The following CSGALNACT1 variants were observed in gnomAD, a reference collection of about 807,000 sequenced individuals.
The protein encoded by CSGALNACT1 is chondroitin sulfate N-acetylgalactosaminyltransferase 1.
Under a neutral mutation model 51.0 loss-of-function variants are expected in CSGALNACT1, and 52 were observed. That is an observed-to-expected ratio of 1.02 (90% CI 0.82 to 1.29). The LOEUF is 1.29. Among genes scored for constraint, CSGALNACT1 ranks in the 50% most tolerant of loss-of-function variants. The probability of loss-of-function intolerance (pLI) is 0.00; values close to 1 mark genes in which losing one functional copy is unlikely to be tolerated. For missense variants in CSGALNACT1, 935 were observed against 679.2 expected, an observed-to-expected ratio of 1.38 and a Z score of -4.19; for synonymous variants, 341 against 254.4, an observed-to-expected ratio of 1.34 and a Z score of -3.24.
chr8:19,499,116 A>AAAAC (rs753065154), intron 4 of CSGALNACT1, among the ~76,000 whole-genome samples: 15 of 152,200 alleles, frequency 9.9e-5, no homozygotes, highest in Admixed American at 2.6e-4. Flanking sequence ...CCCTGTCTCA[A>AAAAC]AAACAAACAA....
intron 4 of CSGALNACT1, among the ~76,000 whole-genome samples, chr8:19,489,464 C>T (rs1352939077): frequency 1.3e-5 from 2 of 152,162 alleles, no homozygotes; most frequent in East Asian, 3.8e-4. Context: ...TTCCTTCTTC[C>T]TTCTGAGGCC....
At chr8:19,627,995 A>C (rs1455196773) in intron 1 of CSGALNACT1, among the ~76,000 whole-genome samples, 1 of 152,212 alleles carries the variant, frequency 6.6e-6, no homozygotes, top group Non-Finnish European at 1.5e-5. Context: ...AACTCTCTGT[A>C]CTATTTTTTT....
chr8:19,595,661 A>G (rs1020924277), intron 2 of CSGALNACT1, among the ~76,000 whole-genome samples: 1 of 151,980 alleles, frequency 6.6e-6, no homozygotes, highest in African/African-American at 2.4e-5. Context: ...CACACCTGTA[A>G]TCCCAGCACT....
At chr8:19,416,899 A>G (rs117361729) in intron 8 of CSGALNACT1, among the ~76,000 whole-genome samples, 8,241 of 151,528 alleles carry the variant, frequency 0.054, 312 homozygotes, top group South Asian at 0.11. Flanking sequence ...GTCTCACTCC[A>G]TCACCCAGGA....
intron 1 of CSGALNACT1, among the ~76,000 whole-genome samples, chr8:19,646,973 C>A (rs919923077): frequency 2.0e-5 from 3 of 152,086 alleles, no homozygotes; most frequent in Non-Finnish European, 4.4e-5. Flanking sequence ...CATGCATGAC[C>A]TCCTTTGGCC....
At chr8:19,454,563 C>A (rs57348400) in intron 5 of CSGALNACT1, among the ~76,000 whole-genome samples, 1 of 151,986 alleles carries the variant, frequency 6.6e-6, no homozygotes, top group Admixed American at 6.6e-5. Flanking sequence ...CCCAGCTACT[C>A]GGGAGGCTGA....
chr8:19,447,358 C>T (rs57315156), intron 5 of CSGALNACT1, among the ~76,000 whole-genome samples: 20,910 of 152,146 alleles, frequency 0.14, 1,711 homozygotes, highest in Middle Eastern at 0.23. Context: ...CGTAAATAGG[C>T]TGTGGGGAAG....
intron 3 of CSGALNACT1, among the ~76,000 whole-genome samples, chr8:19,518,779 C>A (rs1212735451): frequency 6.6e-6 from 1 of 152,206 alleles, no homozygotes; most frequent in Non-Finnish European, 1.5e-5. Context: ...AGCACAGGCC[C>A]TAAGCAGATT....
chr8:19,549,816 G>A (rs1256366868), intron 3 of CSGALNACT1, among the ~76,000 whole-genome samples: 1 of 152,010 alleles, frequency 6.6e-6, no homozygotes, highest in Non-Finnish European at 1.5e-5. Flanking sequence ...CCAGGTAAAG[G>A]CTTCAGATTG....
chr8:19,675,338 C>T (rs1255663542), intron 1 of CSGALNACT1, among the ~76,000 whole-genome samples: 3 of 152,208 alleles, frequency 2.0e-5, no homozygotes, highest in African/African-American at 4.8e-5. Flanking sequence ...ACTTCTCTAA[C>T]GGCCTTGCCC....
chr8:19,481,055 T>A (rs2071244397), intron 4 of CSGALNACT1, among the ~76,000 whole-genome samples: 1 of 152,216 alleles, frequency 6.6e-6, no homozygotes, highest in South Asian at 2.1e-4. Context: ...CTGCTGGAAA[T>A]ATCACAGTGT....
intron 3 of CSGALNACT1, chr8:19,587,942 G>C (rs1181683480): frequency 1.3e-5 from 2 of 152,186 alleles, no homozygotes; most frequent in Non-Finnish European, 2.9e-5. Flanking sequence ...TGTAATCCCA[G>C]TGCTTTGGGA....
intron 3 of CSGALNACT1, among the ~76,000 whole-genome samples, chr8:19,529,981 A>C (rs2082422550): frequency 6.6e-6 from 1 of 152,112 alleles, no homozygotes; most frequent in South Asian, 2.1e-4. Context: ...AGCACTTAGG[A>C]AGGCTGAGGT....
At chr8:19,456,099 G>A (rs753139977) in intron 5 of CSGALNACT1, among the ~76,000 whole-genome samples, 21 of 152,144 alleles carry the variant, frequency 1.4e-4, no homozygotes, top group Admixed American at 9.8e-4. Flanking sequence ...CATTTCACCC[G>A]TTTTGAGGCT....
intron 1 of CSGALNACT1, among the ~76,000 whole-genome samples, chr8:19,728,338 G>A (rs2063513616): frequency 6.6e-6 from 1 of 152,104 alleles, no homozygotes; most frequent in Admixed American, 6.5e-5. Flanking sequence ...CACATCTACA[G>A]GTCAGCTCTA....
At chr8:19,469,080 C>G (rs1324403362) in intron 4 of CSGALNACT1, among the ~76,000 whole-genome samples, 1 of 152,110 alleles carries the variant, frequency 6.6e-6, no homozygotes, top group Non-Finnish European at 1.5e-5. Flanking sequence ...CCAAGGTTAA[C>G]TAAGATAAGG....
At chr8:19,586,446 T>C (rs939808133) in intron 3 of CSGALNACT1, among the ~76,000 whole-genome samples, 1 of 151,088 alleles carries the variant, frequency 6.6e-6, no homozygotes, top group Non-Finnish European at 1.5e-5. Flanking sequence ...CTTAGACAAC[T>C]CTTCCTAATG....
chr8:19,438,603 C>A (rs953371150), intron 6 of CSGALNACT1, among the ~76,000 whole-genome samples: 1 of 152,220 alleles, frequency 6.6e-6, no homozygotes, highest in East Asian at 1.9e-4. Flanking sequence ...AAGAGCCAGA[C>A]AGTAAACAGT....
chr8:19,749,378 G>C (rs2154252902), intron 1 of CSGALNACT1, among the ~76,000 whole-genome samples: 1 of 151,814 alleles, frequency 6.6e-6, no homozygotes, highest in East Asian at 1.9e-4. Flanking sequence ...CCTGAATCAA[G>C]CTTCTCTTGC....
Sources: allele counts gnomAD v4.1 joint callset (sites outside exome capture counted in the v4.1 genomes callset), GRCh38; gene constraint gnomAD v4.1.1; transcripts MANE v1.5; gene names NCBI Gene and HGNC (gene_info 2026-07-23, HGNC 2026-07-21).